EFHD1: variants seen among roughly 807,000 people sequenced by gnomAD.
EFHD1 encodes the protein EF-hand domain family member D1, also known as EF-hand domain-containing protein D1.
Under a neutral mutation model 17.2 loss-of-function variants are expected in EFHD1, and 10 were observed. That is an observed-to-expected ratio of 0.58 (90% CI 0.36 to 0.99). The LOEUF (loss-of-function observed/expected upper bound fraction) is 0.99. Ranked by LOEUF, EFHD1 falls within the 50% of genes least tolerant of loss-of-function variation. The probability of loss-of-function intolerance (pLI) is 0.01; values close to 1 mark genes in which losing one functional copy is unlikely to be tolerated. For missense variants in EFHD1, 310 were observed against 327.5 expected, an observed-to-expected ratio of 0.95 and a Z score of 0.41; for synonymous variants, 153 against 142.0, an observed-to-expected ratio of 1.08 and a Z score of -0.55.
Position 232,681,674 on chromosome 2 carries a change from C to T in EFHD1, c.675C>T (p.Leu225=). Residue 225 remains leucine (L), a synonymous_variant, in exon 4 of 4, where the codon CTC becomes CTT. Coordinates refer to ENST00000264059, the MANE Select transcript of EFHD1 (RefSeq NM_025202.4). ...ERKREEEERR[L]RQAAFQKLKA... is the part of the protein sequence containing the mutation. ...AGCGGGAGGAGGAGGAGAGGCGGCT[C>T]CGCCAGGCAGCCTTCCAGAAACTCA... 6.2e-7 allele frequency: 1 copy of T among 1,614,250 alleles called. No individual in the cohort carries two copies. The highest frequency in any genetic ancestry group is 8.5e-7 in the Non-Finnish European group (1 of 1,180,032).
chr2:232,630,471 T>C (rs1694182742), upstream of EFHD1, among the ~76,000 whole-genome samples: 1 of 152,208 alleles, frequency 6.6e-6, no homozygotes, highest in African/African-American at 2.4e-5. Context: ...GGGCGTTCTG[T>C]CTAGGCTGGG....
intron 1 of EFHD1, among the ~76,000 whole-genome samples, chr2:232,618,150 G>T (rs1693960488): frequency 6.6e-6 from 1 of 151,558 alleles, no homozygotes; most frequent in Non-Finnish European, 1.5e-5. Flanking sequence ...CTCAAGAGTA[G>T]CTGGGACTAC....
rs147352948 is a variant in EFHD1 at position 232,616,992 on chromosome 2, G to T, written c.14+10819G>T. ...CCTCATCTGGAGGCGACCCTAGTGAGTAGGGCTGGAAGGGCTAGAGACAGA... is the reference window on the plus strand; with the variant it reads ...CCTCATCTGGAGGCGACCCTAGTGATTAGGGCTGGAAGGGCTAGAGACAGA... On this transcript the variant is annotated intron_variant, in intron 1 of 3. Transcript: ENST00000409613. Among the ~76,000 whole-genome samples the T allele has an allele frequency of 4.3e-3, 651 of 152,334 alleles. 4 individuals are homozygous for T. The highest frequency in any genetic ancestry group is 0.01 in the Middle Eastern group (3 of 294).
rs34259524 is a variant in EFHD1 at position 232,670,661 on chromosome 2, TA to T, written c.451-1637del. ...TTCAGAGATTAAATATTTACATGGT[TA>T]AAAAAAAAAAGAAGCCATAAAAGTT... On this transcript the variant is annotated intron_variant, in intron 2 of 3. Coordinates refer to ENST00000264059, the MANE Select transcript of EFHD1 (RefSeq NM_025202.4). Among the ~76,000 whole-genome samples the T allele has an allele frequency of 5.2e-3, 760 of 147,490 alleles. 6 individuals are homozygous for T. Among genetic ancestry groups the T allele is most frequent in the African/African-American group, 0.017 (703 of 40,214 alleles).
chr2:232,643,202 AG>A (rs2106199080), intron 1 of EFHD1, among the ~76,000 whole-genome samples: 1 of 151,820 alleles, frequency 6.6e-6, no homozygotes, highest in Non-Finnish European at 1.5e-5. Context: ...AAAAAAAAAA[AG>A]AAAAAATAAA....
Position 232,681,925 on chromosome 2 carries a change from A to G in EFHD1, c.*206A>G, listed in dbSNP as rs917886086. On this transcript the variant is annotated 3_prime_UTR_variant, in exon 4 of 4. Transcript: ENST00000264059. ...CCTGGGGTGGGCCAGATGCCTGCCC[A>G]CCTCTGTCTCCTGCCTCTGCTCCTC... The G allele has an allele frequency of 1.1e-5, 7 of 631,196 alleles. No individual in the cohort carries two copies. Among genetic ancestry groups the G allele is most frequent in the African/African-American group, 7.5e-5 (4 of 53,488 alleles). The allele number at this position is 631,196 out of a possible 1,614,324, so 39.1% of individuals were successfully genotyped here. A position where few individuals can be genotyped will look rare whatever the true frequency, so the allele number is the denominator to read the frequency against.
chr2:232,627,060 A>C (rs1441954301), intron 1 of EFHD1, among the ~76,000 whole-genome samples: 2 of 117,744 alleles, frequency 1.7e-5, no homozygotes, highest in African/African-American at 6.5e-5. Context: ...ATATATATAT[A>C]TATATTTTTT....
intron 3 of EFHD1, among the ~76,000 whole-genome samples, chr2:232,673,768 C>T (rs1021196354): frequency 7.9e-5 from 12 of 152,132 alleles, no homozygotes; most frequent in Admixed American, 6.6e-5. Flanking sequence ...TGGAGTGTCG[C>T]TCTGCCACCC....
chr2:232,654,707 C>T (rs1404204058), intron 1 of EFHD1, among the ~76,000 whole-genome samples: 1 of 152,134 alleles, frequency 6.6e-6, no homozygotes, highest in African/African-American at 2.4e-5. Flanking sequence ...GGATTACAGG[C>T]GTGAGCCACC....
chr2:232,632,740 T>C (rs1159106322), upstream of EFHD1, among the ~76,000 whole-genome samples: 1 of 152,124 alleles, frequency 6.6e-6, no homozygotes, highest in Non-Finnish European at 1.5e-5. Flanking sequence ...ATCCTCCTAC[T>C]TCAGCCTCCT....
chr2:232,664,229 C>T (rs1210165228), intron 2 of EFHD1, among the ~76,000 whole-genome samples: 1 of 151,940 alleles, frequency 6.6e-6, no homozygotes, highest in Non-Finnish European at 1.5e-5. Flanking sequence ...GCCTCAAACT[C>T]CCAGTATCAA....
intron 2 of EFHD1, among the ~76,000 whole-genome samples, chr2:232,668,559 G>A (rs967205563): frequency 6.6e-6 from 1 of 152,180 alleles, no homozygotes; most frequent in African/African-American, 2.4e-5. Context: ...GAGAGTCCCT[G>A]AGGTCACCTG....
chr2:232,632,347 C>G (rs983360486), upstream of EFHD1, among the ~76,000 whole-genome samples: 1 of 152,174 alleles, frequency 6.6e-6, no homozygotes, highest in African/African-American at 2.4e-5. Context: ...ACTCGCATGC[C>G]AAAGGCTGGT....
Position 232,661,568 on chromosome 2 carries a change from CTT to C in EFHD1, c.303-1217_303-1216del, listed in dbSNP as rs35488799. 642 of 117,662 alleles carry C rather than the reference CTT, an allele frequency of 5.5e-3. 1 individual carries two copies. The highest frequency in any genetic ancestry group is 0.02 in the Admixed American group (201 of 9,806). 7.3% of individuals were successfully genotyped at this position (117,662 alleles called of 1,614,324 possible). A position where few individuals can be genotyped will look rare whatever the true frequency, so the allele number is the denominator to read the frequency against. ...TACGGCTATACCCCCACCACCACCC[CTT>C]TTTTTTTTTTTTTTTTGAGACAGTC... On this transcript the variant is annotated intron_variant, in intron 1 of 3. Coordinates refer to ENST00000264059, the MANE Select transcript of EFHD1 (RefSeq NM_025202.4).
chr2:232,610,219 G>C (rs1212052933), intron 1 of EFHD1, among the ~76,000 whole-genome samples: 1 of 152,196 alleles, frequency 6.6e-6, no homozygotes, highest in East Asian at 1.9e-4. Flanking sequence ...TGAGGCCCCA[G>C]GCCCACCTGC....
intron 1 of EFHD1, among the ~76,000 whole-genome samples, chr2:232,636,097 G>A (rs1345839869): frequency 6.6e-6 from 1 of 152,164 alleles, no homozygotes; most frequent in Non-Finnish European, 1.5e-5. Context: ...CCCGTTCTCA[G>A]ATGGCTCATC....
At chr2:232,642,765 GGTCACCTCCAGCTGTTCCCGAGA>G (rs1323814209) in intron 1 of EFHD1, among the ~76,000 whole-genome samples, 11 of 151,732 alleles carry the variant, frequency 7.2e-5, no homozygotes, top group Admixed American at 2.0e-4. Flanking sequence ...TGTTCCCGAG[GGTCACCTCCAGCTGTTCCCGAGA>G]GTCACCTCCA....
chr2:232,652,336 T>C (rs1694671271), intron 1 of EFHD1, among the ~76,000 whole-genome samples: 1 of 152,142 alleles, frequency 6.6e-6, no homozygotes, highest in Non-Finnish European at 1.5e-5. Flanking sequence ...CTCTCACAGT[T>C]ACAACAGTGA....
chr2:232,649,125 G>A (rs949320122), intron 1 of EFHD1, among the ~76,000 whole-genome samples: 2 of 152,206 alleles, frequency 1.3e-5, no homozygotes, highest in Non-Finnish European at 2.9e-5. Flanking sequence ...TGGAAGCCAA[G>A]AGAATAAGTG....
Sources: gnomAD v4.1 joint callset for allele counts (sites outside exome capture counted in the v4.1 genomes callset) on GRCh38, gnomAD v4.1.1 for gene constraint, MANE v1.5 for transcripts, NCBI Gene and HGNC (gene_info 2026-07-23, HGNC 2026-07-21) for gene names.